Variants in SHROOM3 observed in about 807,000 individuals in gnomAD.
SHROOM3 encodes shroom family member 3.
In SHROOM3, 47 loss-of-function variants were observed where a neutral mutation model predicts 138.6. That is an observed-to-expected ratio of 0.34 (90% CI 0.27 to 0.43). The LOEUF (loss-of-function observed/expected upper bound fraction) is 0.43. Among genes scored for constraint, SHROOM3 ranks in the 20% least tolerant of loss-of-function variants. The pLI, the probability that SHROOM3 is intolerant of heterozygous loss-of-function variation, is 1.00. For synonymous variants in SHROOM3, 1,062 were observed against 1,063.3 expected (o/e 1.00, Z 0.02); for missense variants, 2,491 against 2,596.5 (o/e 0.96, Z 0.88).
intron 1 of SHROOM3, among the ~76,000 whole-genome samples, chr4:76,526,817 T>C (rs998298751): frequency 6.6e-6 from 1 of 152,174 alleles, no homozygotes. Flanking sequence ...AATAATTGTT[T>C]AGCTGCCAGC....
Position 76,754,879 on chromosome 4 carries a change from T to A in SHROOM3, c.4396T>A (p.Leu1466Ile), listed in dbSNP as rs1470534850. 1.2e-6 allele frequency: 2 copies of A among 1,613,938 alleles called. No homozygotes were observed. Among genetic ancestry groups the A allele is most frequent in the African/African-American group, 2.7e-5 (2 of 74,862 alleles). Residue 1466 changes from leucine to isoleucine, a missense_variant, in exon 7 of 11, where the codon TTA becomes ATA. Leu to Ile is a conservative substitution (Grantham distance 5). Around this residue, in one of 4 missense-constraint regions of SHROOM3, gnomAD observed 1,733 missense variants for 1,661.6 expected, o/e 1.04. Coordinates refer to ENST00000296043, the MANE Select transcript of SHROOM3 (RefSeq NM_020859.4). The stretch of plus-strand genomic sequence containing the variant: ...TCAAAAACAGCAGAGTCTTCCAAGT[T>A]TATGCAGCACTTCTGACCCAGACAC... ...HYQKQQSLPS[L>I]CSTSDPDTPL...
chr4:76,485,106 T>C (rs1315188371), intron 1 of SHROOM3, among the ~76,000 whole-genome samples: 1 of 152,222 alleles, frequency 6.6e-6, no homozygotes, highest in African/African-American at 2.4e-5. Context: ...ACAATTCAGA[T>C]TATCTCAAGA....
chr4:76,775,317 A>C (rs1486418249), intron 10 of SHROOM3, among the ~76,000 whole-genome samples: 1 of 126,974 alleles, frequency 7.9e-6, no homozygotes, highest in Admixed American at 7.6e-5. Flanking sequence ...GTAGTAGTCC[A>C]TGGGGTGTGT....
intron 2 of SHROOM3, among the ~76,000 whole-genome samples, chr4:76,698,432 A>T (rs1272272401): frequency 6.6e-6 from 1 of 152,092 alleles, no homozygotes; most frequent in African/African-American, 2.4e-5. Flanking sequence ...AATGAATGAC[A>T]ATCTCCATTT....
chr4:76,689,533 G>A, intron 2 of SHROOM3: 1 of 983,950 alleles, frequency 1.0e-6, no homozygotes, highest in Non-Finnish European at 1.2e-6. Flanking sequence ...TAGCCGCGGC[G>A]CGGTGGCGCG....
intron 2 of SHROOM3, among the ~76,000 whole-genome samples, chr4:76,566,531 A>G (rs1458686359): frequency 6.6e-6 from 1 of 152,136 alleles, no homozygotes; most frequent in Non-Finnish European, 1.5e-5. Flanking sequence ...GTTAAATACC[A>G]CCCCCTCCAC....
At chr4:76,732,635 A>G (rs1720920623) in intron 4 of SHROOM3, among the ~76,000 whole-genome samples, 1 of 152,206 alleles carries the variant, frequency 6.6e-6, no homozygotes, top group Non-Finnish European at 1.5e-5. Flanking sequence ...CTGACCCTTG[A>G]CAAAGCCAGA....
chr4:76,661,961 T>C (rs1465457510), intron 2 of SHROOM3, among the ~76,000 whole-genome samples: 1 of 152,234 alleles, frequency 6.6e-6, no homozygotes, highest in Non-Finnish European at 1.5e-5. Context: ...TTCCAAAGTG[T>C]GGTACCATTT....
At position 76,738,792 on chromosome 4, in the gene SHROOM3, C is replaced by T. The variant is rs139272770; in HGVS notation, c.619C>T (p.His207Tyr). 2.9e-3 allele frequency: 4,705 copies of T among 1,614,234 alleles called. 7 individuals are homozygous for T. The highest frequency in any genetic ancestry group is 3.4e-3 in the Non-Finnish European group (4,006 of 1,180,046). ...SSTSDLSNYD[H>Y]AYLRRSPDQC... Reference sequence around the variant, plus strand: ...TACTAGTGACCTCTCCAACTATGACCATGCTTATCTAAGGCGGAGCCCTGA... The same window carrying T: ...TACTAGTGACCTCTCCAACTATGACTATGCTTATCTAAGGCGGAGCCCTGA... The change falls in exon 5 of 11, where the codon CAT becomes TAT. Residue 207 changes from histidine to tyrosine, a missense_variant. By Grantham distance (83) the His-to-Tyr change is moderately conservative (BLOSUM62 2). Around this residue, in one of 4 missense-constraint regions of SHROOM3, gnomAD observed 284 missense variants for 322.8 expected, o/e 0.88. Coordinates refer to ENST00000296043, the MANE Select transcript of SHROOM3 (RefSeq NM_020859.4).
At chr4:76,709,858 T>G (rs1720179268) in intron 2 of SHROOM3, 6 of 352,796 alleles carry the variant, frequency 1.7e-5, no homozygotes, top group Admixed American at 4.1e-5. Flanking sequence ...TTATAACAGT[T>G]AATATAACTT....
At chr4:76,775,597 A>T (rs1722526225) in intron 10 of SHROOM3, among the ~76,000 whole-genome samples, 1 of 151,848 alleles carries the variant, frequency 6.6e-6, no homozygotes, top group Non-Finnish European at 1.5e-5. Flanking sequence ...TTGCACACTC[A>T]TATTTATAGC....
intron 1 of SHROOM3, among the ~76,000 whole-genome samples, chr4:76,445,724 C>T (rs141408351): frequency 3.3e-5 from 5 of 152,206 alleles, no homozygotes; most frequent in Admixed American, 6.5e-5. Context: ...GAGGGTAGAT[C>T]GCACCAAGAG....
intron 2 of SHROOM3, among the ~76,000 whole-genome samples, chr4:76,670,825 T>C (rs1718857518): frequency 6.6e-6 from 1 of 152,098 alleles, no homozygotes; most frequent in South Asian, 2.1e-4. Context: ...TGGTGGTGCA[T>C]GCCTGTGGTC....
At chr4:76,560,654 G>A (rs981769005) in intron 2 of SHROOM3, among the ~76,000 whole-genome samples, 3 of 152,256 alleles carry the variant, frequency 2.0e-5, no homozygotes, top group East Asian at 1.9e-4. Flanking sequence ...TAAATTTGTT[G>A]TAAGTGAATT....
chr4:76,758,266 G>A (rs1296003316), intron 8 of SHROOM3: 1 of 152,164 alleles, frequency 6.6e-6, no homozygotes, highest in Non-Finnish European at 1.5e-5. Context: ...ATTTTTGTAG[G>A]TGTGCCAGTC....
chr4:76,465,336 A>T (rs1015096954), intron 1 of SHROOM3, among the ~76,000 whole-genome samples: 14 of 152,228 alleles, frequency 9.2e-5, no homozygotes, highest in Admixed American at 8.5e-4. Flanking sequence ...TCCAGCTGTT[A>T]CACCTTTGGA....
chr4:76,439,278 G>A (rs9992101), intron 1 of SHROOM3, among the ~76,000 whole-genome samples: 42,778 of 152,038 alleles, frequency 0.28, 7,731 homozygotes, highest in Non-Finnish European at 0.4. Flanking sequence ...CACTTTTAAG[G>A]CCTCTTGTGA....
At chr4:76,738,719 G>C (rs1409822346) in intron 4 of SHROOM3, 42 bp from the exon 5 acceptor site, 1 of 1,609,724 alleles carries the variant, frequency 6.2e-7, no homozygotes. Flanking sequence ...CCTACTAAAT[G>C]ATAACAGCTC....
chr4:76,481,543 A>G (rs578039995), intron 1 of SHROOM3, among the ~76,000 whole-genome samples: 141 of 152,024 alleles, frequency 9.3e-4, no homozygotes, highest in African/African-American at 3.3e-3. Context: ...CCAGATTCAC[A>G]GCCGAATTCT....
Sources: allele counts gnomAD v4.1 joint callset (sites outside exome capture counted in the v4.1 genomes callset), GRCh38; gene constraint gnomAD v4.1.1; regional missense constraint gnomAD v4.1.1; transcripts MANE v1.5; gene names NCBI Gene and HGNC (gene_info 2026-07-23, HGNC 2026-07-21).